Variants in FAM3B observed in about 807,000 individuals in gnomAD.
The protein encoded by FAM3B is protein FAM3B.
A neutral mutation model predicts 28.4 loss-of-function variants in FAM3B; 29 were observed. The observed-to-expected ratio is 1.02, with a 90% CI of 0.76 to 1.39. FAM3B has a LOEUF of 1.39. Among genes scored for constraint, FAM3B ranks in the 40% most tolerant of loss-of-function variants. FAM3B has a pLI of 0.00. For synonymous variants in FAM3B, 91 were observed against 103.0 expected (o/e 0.88, Z 0.71); for missense variants, 266 against 293.9 (o/e 0.91, Z 0.69).
chr21:41,328,754 T>C (rs1255155833), intron 2 of FAM3B, among the ~76,000 whole-genome samples: 1 of 152,110 alleles, frequency 6.6e-6, no homozygotes, highest in Non-Finnish European at 1.5e-5. Flanking sequence ...AGCTGGAGTG[T>C]TGAGATGAGA....
intron 2 of FAM3B, among the ~76,000 whole-genome samples, chr21:41,337,702 G>A (rs1253285876): frequency 6.6e-6 from 1 of 151,906 alleles, no homozygotes; most frequent in Non-Finnish European, 1.5e-5. Flanking sequence ...CATGTATGGT[G>A]TGTGTGTCTA....
At chr21:41,309,668 A>G (rs1201461125) in intron 1 of FAM3B, among the ~76,000 whole-genome samples, 1 of 152,220 alleles carries the variant, frequency 6.6e-6, no homozygotes, top group Non-Finnish European at 1.5e-5. Flanking sequence ...CACATTTGGC[A>G]CATTCAGGAG....
intron 3 of FAM3B, among the ~76,000 whole-genome samples, chr21:41,339,648 G>A (rs1001861866): frequency 6.6e-6 from 1 of 152,012 alleles, no homozygotes; most frequent in African/African-American, 2.4e-5. Context: ...ATTAACCTTC[G>A]CCTTCAAATT....
intron 4 of FAM3B, among the ~76,000 whole-genome samples, chr21:41,344,936 A>G (rs1234003000): frequency 6.6e-6 from 1 of 152,184 alleles, no homozygotes; most frequent in Admixed American, 6.5e-5. Flanking sequence ...AGCCACTGCA[A>G]CCTCGTGGGA....
intron 1 of FAM3B, among the ~76,000 whole-genome samples, chr21:41,310,284 C>T (rs965942785): frequency 2.0e-5 from 3 of 152,044 alleles, no homozygotes; most frequent in Non-Finnish European, 2.9e-5. Context: ...CACCACGTGA[C>T]CATACACACT....
At chr21:41,316,416 C>A (rs1157911170), upstream of FAM3B, among the ~76,000 whole-genome samples, 1 of 152,222 alleles carries the variant, frequency 6.6e-6, no homozygotes, top group Non-Finnish European at 1.5e-5. Flanking sequence ...AGACAGTGGA[C>A]ATGGACGGCG....
chr21:41,309,687 G>C (rs1205309742), intron 1 of FAM3B, among the ~76,000 whole-genome samples: 1 of 152,190 alleles, frequency 6.6e-6, no homozygotes, highest in Non-Finnish European at 1.5e-5. Context: ...AGACTCACAG[G>C]GGAAACAGTT....
Position 41,357,278 on chromosome 21 carries a change from A to G in FAM3B, c.*81A>G. 1 of 946,620 alleles carries G rather than the reference A, an allele frequency of 1.1e-6. No individual in the cohort carries two copies. Among genetic ancestry groups the G allele is most frequent in the Non-Finnish European group, 1.6e-6 (1 of 627,084 alleles). 58.6% of individuals were successfully genotyped at this position (946,620 alleles called of 1,614,324 possible). ...TCAAGAATCTTATTTTTCTAAATCC[A>G]ACAGCCCATATTTGATGAGTATTTT... On this transcript the variant is annotated 3_prime_UTR_variant, in exon 8 of 8. Coordinates refer to ENST00000357985, the MANE Select transcript of FAM3B (RefSeq NM_058186.4).
intron 1 of FAM3B, among the ~76,000 whole-genome samples, chr21:41,321,476 G>C (rs539023385): frequency 6.6e-6 from 1 of 152,202 alleles, no homozygotes; most frequent in Non-Finnish European, 1.5e-5. Flanking sequence ...TGTTTTCTGT[G>C]TCTGGTTTAT....
chr21:41,338,230 G>A, intron 2 of FAM3B, 148 bp from the exon 3 acceptor site: 3 of 818,706 alleles, frequency 3.7e-6, no homozygotes, highest in Non-Finnish European at 5.8e-6. Flanking sequence ...GGAATTCTCA[G>A]TGAAGTCTGG....
intron 2 of FAM3B, among the ~76,000 whole-genome samples, chr21:41,337,931 A>T (rs1001774915): frequency 6.3e-4 from 96 of 151,630 alleles, no homozygotes; most frequent in African/African-American, 2.3e-3. Context: ...TGTATGTGGC[A>T]TGTTGTGTGA....
At chr21:41,331,067 G>A (rs1301830462) in intron 2 of FAM3B, among the ~76,000 whole-genome samples, 1 of 152,064 alleles carries the variant, frequency 6.6e-6, no homozygotes, top group Non-Finnish European at 1.5e-5. Flanking sequence ...TAGCATATAG[G>A]GTTTTCTTTG....
At chr21:41,320,202 G>A (rs900537669) in intron 1 of FAM3B, 2 of 152,000 alleles carry the variant, frequency 1.3e-5, no homozygotes, top group African/African-American at 4.8e-5. Flanking sequence ...TCAAAGTTCT[G>A]GGCTCAGGCA....
chr21:41,347,282 A>T (rs1035175441), intron 6 of FAM3B, among the ~76,000 whole-genome samples, 182 bp downstream of exon 6: 7 of 152,216 alleles, frequency 4.6e-5, no homozygotes, highest in African/African-American at 1.7e-4. Context: ...AAAAAAATTA[A>T]ATCACTAACC....
rs1350373579 is a variant in FAM3B at position 41,348,609 on chromosome 21, A to T, written c.503A>T (p.Lys168Met). The change falls in exon 7 of 8, where the codon AAG becomes ATG. Residue 168 changes from lysine to methionine, a missense_variant. By Grantham distance (95) the Lys-to-Met change is moderately conservative (BLOSUM62 -1). Transcript: ENST00000357985. ...DGSTRLNNDA[K>M]NAIEALGSKE... The stretch of plus-strand genomic sequence containing the variant: ...TCCTGCAGACTGAATAACGATGCCA[A>T]GAATGCCATAGAAGCACTTGGAAGT... The T allele has an allele frequency of 6.2e-7, 1 of 1,614,128 alleles. No homozygotes were observed. Among genetic ancestry groups the T allele is most frequent in the Non-Finnish European group, 8.5e-7 (1 of 1,180,060 alleles).
intron 1 of FAM3B, among the ~76,000 whole-genome samples, chr21:41,321,929 C>T (rs1397192437): frequency 6.6e-6 from 1 of 152,088 alleles, no homozygotes; most frequent in Non-Finnish European, 1.5e-5. Flanking sequence ...CCTCATTTCC[C>T]CTTCACTTCC....
chr21:41,308,902 C>T (rs1390705749), intron 1 of FAM3B, among the ~76,000 whole-genome samples: 1 of 152,174 alleles, frequency 6.6e-6, no homozygotes, highest in African/African-American at 2.4e-5. Context: ...GGCAGGGTCA[C>T]ACAGACTCTG....
At chr21:41,327,968 C>G (rs750841522) in intron 2 of FAM3B, among the ~76,000 whole-genome samples, 37 of 152,200 alleles carry the variant, frequency 2.4e-4, no homozygotes, top group Non-Finnish European at 4.9e-4. Flanking sequence ...CTTCACCCTC[C>G]AGCTGAGAGG....
At chr21:41,344,362 A>G in intron 3 of FAM3B, 114 bp from the exon 4 acceptor site, 1 of 943,104 alleles carries the variant, frequency 1.1e-6, no homozygotes, top group Non-Finnish European at 1.7e-6. Context: ...GCAGACTTTC[A>G]AGGAAAAGGT....
Sources: allele counts gnomAD v4.1 joint callset (sites outside exome capture counted in the v4.1 genomes callset), GRCh38; gene constraint gnomAD v4.1.1; transcripts MANE v1.5; gene names NCBI Gene and HGNC (gene_info 2026-07-23, HGNC 2026-07-21).